The following LAMA2 variants were observed in gnomAD, a reference collection of about 807,000 sequenced individuals.
The protein encoded by LAMA2 is laminin subunit alpha 2.
Under a neutral mutation model 364.8 loss-of-function variants are expected in LAMA2, and 269 were observed. The observed-to-expected ratio is 0.74, with a 90% CI of 0.67 to 0.82. The LOEUF is 0.82. LAMA2 is among the 40% of genes least tolerant of loss of function. LAMA2 has a pLI of 0.00. For missense variants in LAMA2, 3,807 were observed against 3,873.2 expected (o/e 0.98, Z 0.45); for synonymous variants, 1,379 against 1,370.6 (o/e 1.01, Z -0.14).
intron 12 of LAMA2, among the ~76,000 whole-genome samples, chr6:129,206,109 GAA>G (rs1346628267): frequency 0.27 from 16,140 of 59,480 alleles, 2,115 homozygotes; most frequent in African/African-American, 0.54. Flanking sequence ...AGGGAGGGAG[GAA>G]GGAAGGAAGG....
chr6:128,959,343 G>A (rs1194042453), intron 1 of LAMA2, among the ~76,000 whole-genome samples: 3 of 152,086 alleles, frequency 2.0e-5, no homozygotes, highest in African/African-American at 7.2e-5. Context: ...TGAAGAAAAG[G>A]TAAATGTTTT....
intron 64 of LAMA2, among the ~76,000 whole-genome samples, chr6:129,515,854 T>C (rs1450987528): frequency 3.3e-5 from 5 of 152,106 alleles, no homozygotes; most frequent in Admixed American, 6.6e-5. Context: ...ACTTTGGGCA[T>C]AGATGGGGAG....
At chr6:129,378,999 A>G (rs1392780809) in intron 34 of LAMA2, among the ~76,000 whole-genome samples, 2 of 152,212 alleles carry the variant, frequency 1.3e-5, no homozygotes, top group Non-Finnish European at 2.9e-5. Flanking sequence ...AATGTGGTAC[A>G]TACACACCAT....
rs1272011145 is a variant in LAMA2, at chr6:129,192,854, G to GT, written c.1782+2dup. On this transcript the variant is annotated splice_donor_variant, in intron 12 of 64. Coordinates refer to ENST00000421865, the MANE Select transcript of LAMA2 (RefSeq NM_000426.4). LOFTEE classifies it high-confidence loss of function. ...GCCGGCTCCCTATCTGGGAAACAAA[G>GT]TAAGTCCACGCTTGCTTCCCGCTAT... 6.2e-7 allele frequency: 1 copy of GT among 1,613,564 alleles called. No homozygotes were observed. The highest frequency in any genetic ancestry group is 8.5e-7 in the Non-Finnish European group (1 of 1,179,764).
intron 32 of LAMA2, among the ~76,000 whole-genome samples, chr6:129,354,610 AAC>A (rs1777049555): frequency 1.3e-5 from 2 of 152,178 alleles, no homozygotes; most frequent in Admixed American, 1.3e-4. Flanking sequence ...TCTTAATGTA[AAC>A]AGTCCTTGAA....
intron 1 of LAMA2, among the ~76,000 whole-genome samples, chr6:128,920,221 G>A (rs948779774): frequency 1.4e-4 from 21 of 150,392 alleles, no homozygotes; most frequent in African/African-American, 4.7e-4. Context: ...GCAGTGCTGC[G>A]ATCTCAGCTC....
intron 12 of LAMA2, among the ~76,000 whole-genome samples, chr6:129,197,244 T>TAGA (rs1781904226): frequency 6.6e-6 from 1 of 152,196 alleles, no homozygotes; most frequent in African/African-American, 2.4e-5. Context: ...AGAATCTCCT[T>TAGA]CCCTTACTAA....
intron 12 of LAMA2, among the ~76,000 whole-genome samples, chr6:129,220,148 G>A (rs117305602): frequency 0.049 from 7,470 of 152,102 alleles, 263 homozygotes; most frequent in Non-Finnish European, 0.068. Flanking sequence ...TTAGACATAT[G>A]AAATATTATA....
intron 2 of LAMA2, among the ~76,000 whole-genome samples, chr6:129,053,731 G>C (rs1303375373): frequency 6.6e-6 from 1 of 152,154 alleles, no homozygotes; most frequent in Non-Finnish European, 1.5e-5. Context: ...CCTTTCTAAA[G>C]TACTCAGCAG....
intron 34 of LAMA2, among the ~76,000 whole-genome samples, chr6:129,377,165 T>C (rs1465717351): frequency 6.6e-6 from 1 of 152,114 alleles, no homozygotes; most frequent in African/African-American, 2.4e-5. Flanking sequence ...GAATGCTATG[T>C]AGTAGATTGA....
At chr6:129,511,722 G>T (rs1384260135) in intron 62 of LAMA2, among the ~76,000 whole-genome samples, 1 of 74,866 alleles carries the variant, frequency 1.3e-5, no homozygotes, top group Admixed American at 1.4e-4. Flanking sequence ...CTTGCTCAAA[G>T]ATTAAAAAAA....
intron 56 of LAMA2, among the ~76,000 whole-genome samples, chr6:129,488,185 C>CT: frequency 6.6e-6 from 1 of 152,082 alleles, no homozygotes. Context: ...TGGTAGGCGC[C>CT]TGTAATCACA....
intron 1 of LAMA2, among the ~76,000 whole-genome samples, chr6:128,965,736 C>T (rs958949081): frequency 3.4e-4 from 52 of 152,010 alleles, no homozygotes; most frequent in African/African-American, 1.2e-3. Flanking sequence ...AAAATATTTT[C>T]TGGAGAGTTT....
chr6:129,454,048 C>T, intron 46 of LAMA2, 107 bp from the exon 47 acceptor site: 1 of 760,576 alleles, frequency 1.3e-6, no homozygotes, highest in Admixed American at 1.9e-5. Context: ...AGCTCCTAAT[C>T]ATTTCACATG....
At position 129,392,738 on chromosome 6, in the gene LAMA2, T is replaced by C. The variant is rs184068805; in HGVS notation, c.5235-307T>C. Among the ~76,000 whole-genome samples, 491 of 152,322 alleles carry C rather than the reference T, an allele frequency of 3.2e-3. 1 individual carries two copies. The highest frequency in any genetic ancestry group is 0.011 in the African/African-American group (462 of 41,576). On this transcript the variant is annotated intron_variant, in intron 36 of 64. Transcript: ENST00000421865. ...ACAAGTGGATTGTTTGATTTTGGTA[T>C]GTGAAGTGAATCTTAAAACTCATTT...
intron 56 of LAMA2, among the ~76,000 whole-genome samples, chr6:129,489,938 AAAAT>A (rs1784779082): frequency 6.6e-6 from 1 of 152,112 alleles, no homozygotes. Context: ...GTAAAAAAAA[AAAAT>A]AAAGCTGACC....
chr6:128,885,638 C>T (rs1209910600), intron 1 of LAMA2, among the ~76,000 whole-genome samples: 2 of 152,158 alleles, frequency 1.3e-5, no homozygotes, highest in African/African-American at 4.8e-5. Context: ...CTAGCACTGA[C>T]CTTTCTAGGC....
chr6:129,089,566 T>C (rs984406516), intron 3 of LAMA2, among the ~76,000 whole-genome samples: 6 of 152,254 alleles, frequency 3.9e-5, no homozygotes, highest in Non-Finnish European at 7.3e-5. Flanking sequence ...CCTGCTCTTT[T>C]ACCAGTAGCT....
intron 51 of LAMA2, among the ~76,000 whole-genome samples, chr6:129,468,949 G>A (rs1783676458): frequency 6.6e-6 from 1 of 151,870 alleles, no homozygotes; most frequent in African/African-American, 2.4e-5. Flanking sequence ...TCCTTTTTTA[G>A]TTGAGGGGGT....
Sources: allele counts gnomAD v4.1 joint callset (sites outside exome capture counted in the v4.1 genomes callset), GRCh38; gene constraint gnomAD v4.1.1; transcripts MANE v1.5; gene names NCBI Gene and HGNC (gene_info 2026-07-23, HGNC 2026-07-21).